PIH1D2: variants seen among roughly 807,000 people sequenced by gnomAD.
PIH1D2 encodes PIH1 domain containing 2, also known as PIH1 domain-containing protein 2.
Under a neutral mutation model 31.2 loss-of-function variants are expected in PIH1D2, and 25 were observed. The observed-to-expected ratio is 0.80, with a 90% CI of 0.58 to 1.12. PIH1D2 has a LOEUF of 1.12. Ranked by LOEUF, PIH1D2 falls within the 50% of genes most tolerant of loss-of-function variation. The pLI, the probability that PIH1D2 is intolerant of heterozygous loss-of-function variation, is 0.00. For synonymous variants in PIH1D2, 116 were observed against 119.9 expected (o/e 0.97, Z 0.21); for missense variants, 310 against 356.6 (o/e 0.87, Z 1.05).
chr11:112,062,991 G>T, downstream of PIH1D2: 1 of 160,448 alleles, frequency 6.2e-6, no homozygotes, highest in Admixed American at 5.9e-5. Flanking sequence ...TTGAATTGAA[G>T]CTTTACTTTA....
chr11:112,054,186 C>T, the PIH1D2 span, among the ~76,000 whole-genome samples: 1 of 151,680 alleles, frequency 6.6e-6, no homozygotes, highest in East Asian at 1.9e-4. Flanking sequence ...TATGGTGGTG[C>T]GCGCCTGTAG....
downstream of PIH1D2, among the ~76,000 whole-genome samples, chr11:112,064,976 G>T (rs1864868179): frequency 6.6e-6 from 1 of 151,776 alleles, no homozygotes; most frequent in African/African-American, 2.4e-5. Flanking sequence ...GAGTAGCTGA[G>T]ATTACAGGTG....
chr11:112,067,058 G>A (rs1555183921), downstream of PIH1D2, among the ~76,000 whole-genome samples: 1 of 152,094 alleles, frequency 6.6e-6, no homozygotes, highest in Non-Finnish European at 1.5e-5. Flanking sequence ...GCGAGACTCA[G>A]TCTCAGTGAA....
chr11:112,066,861 A>G (rs369816647), downstream of PIH1D2, among the ~76,000 whole-genome samples: 7 of 151,438 alleles, frequency 4.6e-5, no homozygotes, highest in East Asian at 3.9e-4. Flanking sequence ...TCAGGAGTTC[A>G]AGACCAGCCT....
chr11:112,060,654 C>T (rs1216175135), downstream of PIH1D2, among the ~76,000 whole-genome samples: 6 of 151,858 alleles, frequency 4.0e-5, no homozygotes, highest in Non-Finnish European at 5.9e-5. Flanking sequence ...TTAGTAGTGT[C>T]GGGGTTTCAC....
chr11:112,065,124 C>G (rs1864874388), downstream of PIH1D2, among the ~76,000 whole-genome samples: 1 of 152,112 alleles, frequency 6.6e-6, no homozygotes, highest in Admixed American at 6.6e-5. Context: ...ACAGCTGAGC[C>G]ACCACGCCCA....
chr11:112,064,709 A>G (rs1773763931), downstream of PIH1D2, among the ~76,000 whole-genome samples: 1 of 152,178 alleles, frequency 6.6e-6, no homozygotes, highest in Non-Finnish European at 1.5e-5. Context: ...AGAAAGGAGT[A>G]AACCAGCACA....
At chr11:112,061,152 G>A (rs782596849), downstream of PIH1D2, 2 of 1,614,046 alleles carry the variant, frequency 1.2e-6, no homozygotes, top group South Asian at 2.2e-5. Flanking sequence ...GGATAAACTG[G>A]TCCCTGCAGA....
downstream of PIH1D2, among the ~76,000 whole-genome samples, chr11:112,060,478 G>C (rs954588771): frequency 6.6e-6 from 1 of 151,744 alleles, no homozygotes; most frequent in Admixed American, 6.6e-5. Context: ...TTTTGAAACA[G>C]AGTCTCACTC....
At chr11:112,060,681 G>A (rs1367756695), downstream of PIH1D2, among the ~76,000 whole-genome samples, 1 of 151,866 alleles carries the variant, frequency 6.6e-6, no homozygotes, top group Admixed American at 6.6e-5. Flanking sequence ...GGCCAGGCTG[G>A]TTTCAAACTC....
At chr11:112,062,863 AGTACATAAAG>A, downstream of PIH1D2, 1 of 327,778 alleles carries the variant, frequency 3.1e-6, no homozygotes, top group Non-Finnish European at 5.9e-6. Context: ...CCTAAAGACA[AGTACATAAAG>A]GTGACCCTGA....
downstream of PIH1D2, chr11:112,061,159 C>G: frequency 6.2e-7 from 1 of 1,614,050 alleles, no homozygotes; most frequent in Non-Finnish European, 8.5e-7. Flanking sequence ...CTGGTCCCTG[C>G]AGATAATGAA....
chr11:112,060,182 G>C, downstream of PIH1D2: 1 of 540,168 alleles, frequency 1.9e-6, no homozygotes, highest in Non-Finnish European at 2.8e-6. Flanking sequence ...TTTTTTTTTT[G>C]AGACGGAGTC....
Position 112,070,732 on chromosome 11 carries a change from A to G in PIH1D2, c.548-31T>C, listed in dbSNP as rs782531248. 1.3e-5 allele frequency: 21 copies of G among 1,595,866 alleles called. No homozygotes were observed. The South Asian group carries it at 2.2e-4, about 17-fold the overall frequency. On this transcript the variant is annotated intron_variant, in intron 4 of 5. Coordinates refer to ENST00000280350, the MANE Select transcript of PIH1D2 (RefSeq NM_138789.4). ...TGAAAAAAAGGGTGGAGGGGAGATA[A>G]AAAATAAATCTACAACATAAAATAC...
At chr11:112,054,270 T>G in the PIH1D2 span, among the ~76,000 whole-genome samples, 2 of 152,062 alleles carry the variant, frequency 1.3e-5, no homozygotes, top group East Asian at 3.9e-4. Context: ...GAGCTGGGAT[T>G]GCACGCGCCA....
Position 112,071,849 on chromosome 11 carries a change from T to C in PIH1D2, c.178-91A>G, listed in dbSNP as rs1440257780. On this transcript the variant is annotated intron_variant, in intron 2 of 5. Coordinates refer to ENST00000280350, the MANE Select transcript of PIH1D2 (RefSeq NM_138789.4). ...GGCTCCCGCCTGTAATCCGAGCACT[T>C]TGGGGGTCCAAGGCGGCCGGATCAC... 3.9e-5 allele frequency: 57 copies of C among 1,443,600 alleles called. No individual in the cohort carries two copies. In the Admixed American group the frequency reaches 1.1e-3, roughly 27 times the overall value. 89.4% of individuals were successfully genotyped at this position (1,443,600 alleles called of 1,614,324 possible).
At position 112,069,317 on chromosome 11, in the gene PIH1D2, G is replaced by C. The variant is rs118152655; in HGVS notation, c.813+1119C>G. ...CCGTACCCAGCCAAAACCTCTGACT[G>C]TACTAAGGTGGACTTCAGTAAATCC... On this transcript the variant is annotated intron_variant, in intron 5 of 5. Transcript: ENST00000280350. 6.9e-3 allele frequency among the ~76,000 whole-genome samples: 1,048 copies of C among 152,078 alleles called. 5 individuals carry two copies. The highest frequency in any genetic ancestry group is 0.051 in the Middle Eastern group (15 of 294).
downstream of PIH1D2, chr11:112,061,131 G>C (rs1388530412): frequency 1.2e-6 from 2 of 1,613,940 alleles, no homozygotes; most frequent in Non-Finnish European, 1.7e-6. Flanking sequence ...TTTGGCAATT[G>C]GTGCTTCAGA....
downstream of PIH1D2, chr11:112,062,814 C>T (rs1268211757): frequency 2.5e-6 from 1 of 394,938 alleles, no homozygotes; most frequent in Non-Finnish European, 4.8e-6. Context: ...GTGATAAGTA[C>T]TTCCTCTAGG....
Sources: gnomAD v4.1 joint callset for allele counts (sites outside exome capture counted in the v4.1 genomes callset) on GRCh38, gnomAD v4.1.1 for gene constraint, MANE v1.5 for transcripts, NCBI Gene and HGNC (gene_info 2026-07-23, HGNC 2026-07-21) for gene names.